Variants in CPPED1 observed in about 807,000 individuals in gnomAD.
The protein encoded by CPPED1 is serine/threonine-protein phosphatase CPPED1.
In CPPED1, 28 loss-of-function variants were observed where a neutral mutation model predicts 28.0. That is an observed-to-expected ratio of 1.00 (90% confidence interval 0.74 to 1.37). CPPED1 has a LOEUF of 1.37. CPPED1 is among the 40% of genes most tolerant of loss of function. The pLI is 0.00. For synonymous variants in CPPED1, 198 were observed against 180.2 expected, an observed-to-expected ratio of 1.10 and a Z score of -0.79; for missense variants, 504 against 416.5, an observed-to-expected ratio of 1.21 and a Z score of -1.83.
intron 2 of CPPED1, among the ~76,000 whole-genome samples, chr16:12,766,260 G>T (rs34339535): frequency 0.2 from 21,684 of 110,434 alleles, 3,291 homozygotes; most frequent in African/African-American, 0.49. Flanking sequence ...TATATATAGA[G>T]AGAGAGAGAG....
At position 12,664,937 on chromosome 16, in the gene CPPED1, C is replaced by T; in HGVS notation, c.894G>A (p.Leu298=). ...GATCGTCTTCTATTCCTTTCTCACT[C>T]AGCTCATCTAGACTGTAGTATCGGT... is the stretch of plus-strand genomic sequence containing the variant. The part of the protein sequence containing the change: ...IVHRYYSLDE[L]SEKGIEDDLM... Residue 298 remains leucine, a synonymous_variant, in exon 4 of 4, where the codon CTG becomes CTA. Coordinates refer to ENST00000381774, the MANE Select transcript of CPPED1 (RefSeq NM_018340.3). The surrounding 1 kb of genome is among the most constrained non-coding windows in gnomAD (Gnocchi z 4.2). 6.2e-7 allele frequency: 1 copy of T among 1,608,482 alleles called. No homozygotes were observed. Among genetic ancestry groups the T allele is most frequent in the South Asian group, 1.1e-5 (1 of 90,170 alleles).
intron 2 of CPPED1, among the ~76,000 whole-genome samples, chr16:12,769,729 C>T (rs910642818): frequency 2.6e-5 from 4 of 152,122 alleles, no homozygotes; most frequent in Non-Finnish European, 5.9e-5. Context: ...GCTCAGCATT[C>T]GACCCACACG....
chr16:12,783,448 G>A (rs1160104527), intron 1 of CPPED1, among the ~76,000 whole-genome samples: 3 of 151,336 alleles, frequency 2.0e-5, no homozygotes, highest in Admixed American at 6.6e-5. Flanking sequence ...ACAGTGAGCC[G>A]AAATCATGCC....
intron 2 of CPPED1, among the ~76,000 whole-genome samples, chr16:12,742,780 G>C (rs1381676380): frequency 6.6e-6 from 1 of 152,160 alleles, no homozygotes; most frequent in Non-Finnish European, 1.5e-5. Flanking sequence ...AGATTGAACT[G>C]TTTGTTAGGA....
intron 2 of CPPED1, among the ~76,000 whole-genome samples, chr16:12,754,967 C>G (rs539890103): frequency 1.3e-5 from 2 of 152,170 alleles, no homozygotes; most frequent in Admixed American, 1.3e-4. Context: ...GCCGTGACTA[C>G]AGCACTGCAC....
At chr16:12,725,980 T>A (rs2080167980) in intron 2 of CPPED1, among the ~76,000 whole-genome samples, 1 of 152,156 alleles carries the variant, frequency 6.6e-6, no homozygotes, top group African/African-American at 2.4e-5. Flanking sequence ...GAGGATGGCT[T>A]GAGCCCAGGA....
chr16:12,797,556 A>C (rs984892883), intron 1 of CPPED1, among the ~76,000 whole-genome samples: 2 of 151,988 alleles, frequency 1.3e-5, no homozygotes, highest in Admixed American at 6.6e-5. Context: ...CCCTGTCTCC[A>C]AAAAAAATTT....
At chr16:12,749,204 G>A (rs1191128592) in intron 2 of CPPED1, among the ~76,000 whole-genome samples, 1 of 152,186 alleles carries the variant, frequency 6.6e-6, no homozygotes, top group Non-Finnish European at 1.5e-5. Flanking sequence ...TTCATCTACA[G>A]AATGTCCTTC....
chr16:12,760,043 G>A (rs372275949), intron 2 of CPPED1, among the ~76,000 whole-genome samples: 10 of 152,292 alleles, frequency 6.6e-5, no homozygotes, highest in South Asian at 2.1e-4. Flanking sequence ...TGGGTTCCAC[G>A]TCTGTGGATT....
intron 2 of CPPED1, among the ~76,000 whole-genome samples, chr16:12,713,644 A>G (rs963262464): frequency 6.6e-6 from 1 of 152,098 alleles, no homozygotes; most frequent in African/African-American, 2.4e-5. Context: ...TACAGGTGTG[A>G]GCCACCACAC....
At chr16:12,696,834 A>G (rs1184957682) in intron 3 of CPPED1, among the ~76,000 whole-genome samples, 1 of 152,110 alleles carries the variant, frequency 6.6e-6, no homozygotes, top group Non-Finnish European at 1.5e-5. Flanking sequence ...TACAAGTGGG[A>G]AAACTAAGGC....
At chr16:12,734,076 T>G (rs904102609) in intron 2 of CPPED1, among the ~76,000 whole-genome samples, 5 of 131,394 alleles carry the variant, frequency 3.8e-5, no homozygotes, top group South Asian at 5.5e-4. Flanking sequence ...TTTTTTTTTT[T>G]TTTTTTTTTT....
At chr16:12,776,326 G>A (rs1165557010) in intron 2 of CPPED1, among the ~76,000 whole-genome samples, 1 of 152,176 alleles carries the variant, frequency 6.6e-6, no homozygotes, top group Non-Finnish European at 1.5e-5. Context: ...GATGGTAAGA[G>A]AACTGTTTGA....
intron 3 of CPPED1, among the ~76,000 whole-genome samples, chr16:12,694,864 G>A (rs1596449031): frequency 2.0e-5 from 3 of 150,504 alleles, no homozygotes; most frequent in South Asian, 2.2e-4. Context: ...TGCAACCTCC[G>A]CCTCCCAGCT....
intron 2 of CPPED1, among the ~76,000 whole-genome samples, chr16:12,717,432 T>G (rs912951098): frequency 6.6e-6 from 1 of 152,096 alleles, no homozygotes. Context: ...CCTGGCTAAT[T>G]TTTTTGTATT....
intron 1 of CPPED1, among the ~76,000 whole-genome samples, chr16:12,792,258 C>A (rs2080601173): frequency 6.6e-6 from 1 of 152,118 alleles, no homozygotes; most frequent in Non-Finnish European, 1.5e-5. Flanking sequence ...TGGCCTCTTC[C>A]AGCTGTATCT....
chr16:12,689,357 G>T (rs1321827047), intron 3 of CPPED1, among the ~76,000 whole-genome samples: 1 of 145,972 alleles, frequency 6.9e-6, no homozygotes, highest in Admixed American at 7.3e-5. Flanking sequence ...CTCCCAAGTA[G>T]CTAGAACCAC....
In CPPED1 at chr16:12,744,294, G is replaced by GCAAGCAAGCAAGCA. The variant is rs199563639; in HGVS notation, c.289+36890_289+36891insTGCTTGCTTGCTTG. Among the ~76,000 whole-genome samples, 275 of 76,406 alleles carry GCAAGCAAGCAAGCA rather than the reference G, an allele frequency of 3.6e-3. 1 individual carries two copies. The highest frequency in any genetic ancestry group is 0.01 in the East Asian group (26 of 2,600). The allele number at this position is 76,406 out of a possible 152,430, so 50.1% of individuals were successfully genotyped here. ...AAAGAGAGAGAGAGAGAGAGAGAGA[G>GCAAGCAAGCAAGCA]AGAAAGCAAGCAAGCAAGCAAGCAA... On this transcript the variant is annotated intron_variant, in intron 2 of 3. Coordinates refer to ENST00000381774, the MANE Select transcript of CPPED1 (RefSeq NM_018340.3).
At chr16:12,704,494 C>T (rs1456261083) in intron 3 of CPPED1, 130 bp downstream of exon 3, 1 of 909,398 alleles carries the variant, frequency 1.1e-6, no homozygotes, top group African/African-American at 1.7e-5. Flanking sequence ...AGTCCAAGAG[C>T]TGGTATCAGA....
Sources: gnomAD v4.1 joint callset for allele counts (sites outside exome capture counted in the v4.1 genomes callset) on GRCh38, gnomAD v4.1.1 for gene constraint, Gnocchi (gnomAD v3.1) non-coding constraint, MANE v1.5 for transcripts, NCBI Gene and HGNC (gene_info 2026-07-23, HGNC 2026-07-21) for gene names.